The following OPA1 variants were observed in gnomAD, a reference collection of about 807,000 sequenced individuals.
OPA1 encodes the protein dynamin-like GTPase OPA1, mitochondrial.
A neutral mutation model predicts 152.9 loss-of-function variants in OPA1; 59 were observed. The observed-to-expected ratio is 0.39, with a 90% CI of 0.31 to 0.48. The LOEUF (loss-of-function observed/expected upper bound fraction) is 0.48, where lower values mean the gene tolerates loss of function less well. Ranked by LOEUF, OPA1 falls within the 20% of genes least tolerant of loss-of-function variation. The pLI, the probability that OPA1 is intolerant of heterozygous loss-of-function variation, is 0.96. For missense variants in OPA1, 1,008 were observed against 1,216.8 expected (o/e 0.83, Z 2.55); for synonymous variants, 400 against 389.9 (o/e 1.03, Z -0.31).
chr3:193,607,801 G>A (rs1646458024), intron 1 of OPA1, among the ~76,000 whole-genome samples: 1 of 152,200 alleles, frequency 6.6e-6, no homozygotes, highest in Non-Finnish European at 1.5e-5. Flanking sequence ...TGTGAAGAAA[G>A]TCTTTGGTAG....
At chr3:193,665,388 T>A (rs1024374035) in intron 27 of OPA1, among the ~76,000 whole-genome samples, 1 of 151,998 alleles carries the variant, frequency 6.6e-6, no homozygotes, top group Non-Finnish European at 1.5e-5. Flanking sequence ...AAAGAGAAAG[T>A]GTGTGTGTAT....
chr3:193,597,690 CAAA>C (rs75168011), intron 1 of OPA1, among the ~76,000 whole-genome samples: 2 of 80,298 alleles, frequency 2.5e-5, no homozygotes, highest in Admixed American at 1.3e-4. Flanking sequence ...GACTCCGTTT[CAAA>C]AAAAAAAAAA....
At chr3:193,662,732 A>G (rs1459772793) in intron 25 of OPA1, 90 bp from the exon 26 acceptor site, 1 of 1,017,826 alleles carries the variant, frequency 9.8e-7, no homozygotes, top group East Asian at 2.6e-5. Flanking sequence ...TCTTTTATGC[A>G]ATAGTAATGT....
intron 1 of OPA1, among the ~76,000 whole-genome samples, chr3:193,597,489 G>T (rs966193455): frequency 1.3e-5 from 2 of 151,888 alleles, no homozygotes; most frequent in African/African-American, 2.4e-5. Flanking sequence ...TTAGGAGTTC[G>T]AGACCAGCCT....
chr3:193,643,314 AT>A (rs1553877803), intron 13 of OPA1, 58 bp from the exon 14 acceptor site: 2 of 1,402,488 alleles, frequency 1.4e-6, no homozygotes, highest in Non-Finnish European at 2.0e-6. Flanking sequence ...ACCAAAAAAA[AT>A]TCTTGACAAA....
At chr3:193,648,288 C>G in intron 20 of OPA1, 154 bp downstream of exon 20, 1 of 598,394 alleles carries the variant, frequency 1.7e-6, no homozygotes, top group Non-Finnish European at 3.0e-6. Context: ...GAGCAGTTAT[C>G]TCTTTCAGTA....
Sources: gnomAD v4.1 joint callset for allele counts (sites outside exome capture counted in the v4.1 genomes callset) on GRCh38, gnomAD v4.1.1 for gene constraint, MANE v1.5 for transcripts, NCBI Gene and HGNC (gene_info 2026-07-23, HGNC 2026-07-21) for gene names.